FILIP1L: variants seen among roughly 807,000 people sequenced by gnomAD.
FILIP1L encodes filamin A-interacting protein 1-like.
Under a neutral mutation model 96.6 loss-of-function variants are expected in FILIP1L, and 55 were observed. The ratio of observed to expected loss-of-function variants is 0.57; its 90% CI spans 0.46 to 0.71. The LOEUF (loss-of-function observed/expected upper bound fraction) is 0.71. Among genes scored for constraint, FILIP1L ranks in the 30% least tolerant of loss-of-function variants. The pLI, the probability that FILIP1L is intolerant of heterozygous loss-of-function variation, is 0.00. For missense variants in FILIP1L, 1,304 were observed against 1,321.2 expected (o/e 0.99, Z 0.20); for synonymous variants, 467 against 473.9 (o/e 0.99, Z 0.19).
chr3:100,021,736 A>C (rs1280969368), intron 1 of FILIP1L, among the ~76,000 whole-genome samples: 1 of 151,834 alleles, frequency 6.6e-6, no homozygotes, highest in Non-Finnish European at 1.5e-5. Context: ...TGTAAAGGGA[A>C]CCTCCCCTTC....
intron 1 of FILIP1L, among the ~76,000 whole-genome samples, chr3:100,081,783 GC>G (rs2065935847): frequency 6.6e-6 from 1 of 152,048 alleles, no homozygotes; most frequent in Admixed American, 6.6e-5. Context: ...TTGTTTTAGA[GC>G]CAGGTTTCTC....
At chr3:99,915,467 G>A (rs532361891) in intron 4 of FILIP1L, among the ~76,000 whole-genome samples, 166 of 152,300 alleles carry the variant, frequency 1.1e-3, no homozygotes, top group African/African-American at 3.8e-3. Flanking sequence ...TGGCAAGCCA[G>A]AGAAGCATTG....
At chr3:100,026,575 G>A (rs1473023114) in intron 1 of FILIP1L, among the ~76,000 whole-genome samples, 1 of 152,054 alleles carries the variant, frequency 6.6e-6, no homozygotes, top group Non-Finnish European at 1.5e-5. Flanking sequence ...TTAAATGTTG[G>A]CAACTCTTTT....
chr3:100,088,137 A>C (rs768887799), intron 1 of FILIP1L, among the ~76,000 whole-genome samples: 2 of 152,144 alleles, frequency 1.3e-5, no homozygotes, highest in Non-Finnish European at 2.9e-5. Context: ...GGCTCTAACT[A>C]TAATTTTTTT....
intron 5 of FILIP1L, among the ~76,000 whole-genome samples, chr3:99,847,458 A>C (rs1943417215): frequency 6.6e-6 from 1 of 152,024 alleles, no homozygotes; most frequent in Admixed American, 6.6e-5. Context: ...TCTCTGGTAG[A>C]AATACAGTCA....
intron 5 of FILIP1L, among the ~76,000 whole-genome samples, chr3:99,844,683 T>A (rs1365002676): frequency 6.6e-6 from 1 of 152,200 alleles, no homozygotes; most frequent in Non-Finnish European, 1.5e-5. Context: ...TCCCCTAATT[T>A]TATCCTTTAT....
At chr3:100,028,062 G>T (rs1251167989) in intron 1 of FILIP1L, among the ~76,000 whole-genome samples, 1 of 152,130 alleles carries the variant, frequency 6.6e-6, no homozygotes, top group Admixed American at 6.5e-5. Context: ...TGGCTATTCT[G>T]GGAATTTAGG....
intron 4 of FILIP1L, among the ~76,000 whole-genome samples, chr3:99,862,020 C>A (rs891851052): frequency 6.6e-6 from 1 of 152,044 alleles, no homozygotes; most frequent in African/African-American, 2.4e-5. Flanking sequence ...GTGCCTGGCA[C>A]AATACATGTC....
In FILIP1L at chr3:99,948,651, AAG is replaced by A. The variant is rs202143454; in HGVS notation, c.-10-17623_-10-17622del. 6.7e-3 allele frequency among the ~76,000 whole-genome samples: 1,000 copies of A among 148,248 alleles called. 3 individuals carry two copies. Among genetic ancestry groups the A allele is most frequent in the African/African-American group, 8.1e-3 (327 of 40,162 alleles). On this transcript the variant is annotated intron_variant, in intron 1 of 5. Transcript: ENST00000477258. Reference sequence around the variant, plus strand: ...GAAGGAGGAGGAGGAGGGAGAAAGAAAGAGGGGAAGGGAAGGGAAAGAGGAAG... The same window carrying A: ...GAAGGAGGAGGAGGAGGGAGAAAGAAAGGGGAAGGGAAGGGAAAGAGGAAG...
chr3:100,096,797 T>C (rs1039596407), intron 1 of FILIP1L, among the ~76,000 whole-genome samples: 1 of 152,156 alleles, frequency 6.6e-6, no homozygotes, highest in Non-Finnish European at 1.5e-5. Flanking sequence ...AAAGGATAAA[T>C]GTGTGAGGGA....
At chr3:100,058,524 A>G (rs1168497711) in intron 1 of FILIP1L, among the ~76,000 whole-genome samples, 1 of 152,234 alleles carries the variant, frequency 6.6e-6, no homozygotes, top group Admixed American at 6.5e-5. Context: ...AGATACTCAC[A>G]TCCCCAATCT....
chr3:100,081,049 T>G (rs910690315), intron 1 of FILIP1L, among the ~76,000 whole-genome samples: 11 of 152,244 alleles, frequency 7.2e-5, no homozygotes, highest in Non-Finnish European at 1.3e-4. Flanking sequence ...AGGTGTTATT[T>G]TAGACACTCT....
At chr3:100,030,015 T>A (rs571925456) in intron 1 of FILIP1L, among the ~76,000 whole-genome samples, 32 of 152,150 alleles carry the variant, frequency 2.1e-4, no homozygotes, top group Non-Finnish European at 3.8e-4. Context: ...TGCTTCACAT[T>A]TCTCTAGCAT....
intron 1 of FILIP1L, among the ~76,000 whole-genome samples, chr3:99,990,733 C>A (rs569632706): frequency 6.6e-6 from 1 of 150,536 alleles, no homozygotes; most frequent in Non-Finnish European, 1.5e-5. Flanking sequence ...CAAGTGCCCA[C>A]GGGAGGAAAA....
chr3:99,830,415 T>G lies in FILIP1L; in HGVS notation c.3572A>C (p.Ter1191SerextTer41), dbSNP rs979157520. ...NTFLHVGGRR[*>S] is the part of the protein sequence containing the mutation. Reference sequence around the variant, plus strand: ...ATCCAGGCAGTGCATTGGTATGAGTTACCTTCTCCCTCCCACGTGGAGGAA... The same window carrying G: ...ATCCAGGCAGTGCATTGGTATGAGTGACCTTCTCCCTCCCACGTGGAGGAA... Residue 1191 changes from the stop codon to serine, a stop_lost, in exon 6 of 6, where the codon TAA becomes TCA. Transcript: ENST00000477258. The G allele has an allele frequency of 4.5e-6, 2 of 441,728 alleles. No homozygotes were observed. The highest frequency in any genetic ancestry group is 4.0e-5 in the African/African-American group (2 of 49,794). 27.4% of individuals were successfully genotyped at this position (441,728 alleles called of 1,614,324 possible).
intron 1 of FILIP1L, among the ~76,000 whole-genome samples, chr3:99,985,005 T>TA (rs1360480841): frequency 6.6e-6 from 1 of 152,166 alleles, no homozygotes; most frequent in Non-Finnish European, 1.5e-5. Context: ...TAAAAATAAA[T>TA]ACTTAAAGGG....
chr3:99,944,986 A>G (rs957332155), intron 1 of FILIP1L, among the ~76,000 whole-genome samples: 1 of 152,184 alleles, frequency 6.6e-6, no homozygotes, highest in Admixed American at 6.5e-5. Flanking sequence ...CATTCTAGGC[A>G]GTAGGGAGGG....
chr3:99,839,435 G>A (rs550364449), intron 5 of FILIP1L, among the ~76,000 whole-genome samples: 100 of 152,344 alleles, frequency 6.6e-4, no homozygotes, highest in African/African-American at 2.3e-3. Context: ...GCCTGTGGTG[G>A]TTATAAGCTA....
intron 4 of FILIP1L, among the ~76,000 whole-genome samples, chr3:99,881,604 C>T (rs1348916327): frequency 6.6e-6 from 1 of 151,866 alleles, no homozygotes; most frequent in African/African-American, 2.4e-5. Flanking sequence ...GCAAGCTCGG[C>T]TCACTGCAAC....
Sources: allele counts gnomAD v4.1 joint callset (sites outside exome capture counted in the v4.1 genomes callset), GRCh38; gene constraint gnomAD v4.1.1; transcripts MANE v1.5; gene names NCBI Gene and HGNC (gene_info 2026-07-23, HGNC 2026-07-21).